Variants in CADM2 observed in about 807,000 individuals in gnomAD.
CADM2 encodes cell adhesion molecule 2.
A neutral mutation model predicts 49.8 loss-of-function variants in CADM2; 12 were observed. The observed-to-expected ratio is 0.24, with a 90% CI of 0.15 to 0.39. The LOEUF (loss-of-function observed/expected upper bound fraction) is 0.39, where lower values mean the gene tolerates loss of function less well. CADM2 is among the 10% of genes least tolerant of loss of function. The pLI is 1.00. For synonymous variants in CADM2, 214 were observed against 175.4 expected, an observed-to-expected ratio of 1.22 and a Z score of -1.74; for missense variants, 378 against 492.3, an observed-to-expected ratio of 0.77 and a Z score of 2.20.
At chr3:85,458,912 G>A (rs2038114369) in intron 1 of CADM2, among the ~76,000 whole-genome samples, 1 of 152,152 alleles carries the variant, frequency 6.6e-6, no homozygotes, top group Non-Finnish European at 1.5e-5. Context: ...TTGCATGCTT[G>A]TACATTGCTT....
At chr3:85,194,677 A>T (rs751404944) in intron 1 of CADM2, among the ~76,000 whole-genome samples, 1 of 152,054 alleles carries the variant, frequency 6.6e-6, no homozygotes, top group Admixed American at 6.6e-5. Context: ...AAAGAAATCT[A>T]TTATTGTTAT....
intron 1 of CADM2, among the ~76,000 whole-genome samples, chr3:85,010,925 G>C (rs1258798783): frequency 7.8e-6 from 1 of 127,854 alleles, no homozygotes; most frequent in Non-Finnish European, 1.6e-5. Flanking sequence ...GTGCAGTGGC[G>C]TGATCTCAGC....
At chr3:85,626,823 G>A (rs1285083958) in intron 1 of CADM2, among the ~76,000 whole-genome samples, 2 of 151,860 alleles carry the variant, frequency 1.3e-5, no homozygotes, top group East Asian at 1.9e-4. Flanking sequence ...AAGAGAAGTC[G>A]AAATGTCCTG....
chr3:85,874,923 A>G (rs1711593934), intron 3 of CADM2, among the ~76,000 whole-genome samples: 1 of 152,202 alleles, frequency 6.6e-6, no homozygotes, highest in African/African-American at 2.4e-5. Flanking sequence ...AAACTACAAT[A>G]CTAAACATAG....
chr3:85,142,597 A>G (rs571651527), intron 1 of CADM2, among the ~76,000 whole-genome samples: 1 of 152,348 alleles, frequency 6.6e-6, no homozygotes, highest in East Asian at 1.9e-4. Context: ...TTATAGACTT[A>G]CAGCATTATG....
At chr3:85,895,593 G>A (rs981142301) in intron 5 of CADM2, among the ~76,000 whole-genome samples, 3 of 152,082 alleles carry the variant, frequency 2.0e-5, no homozygotes, top group Admixed American at 6.5e-5. Flanking sequence ...TGAGATGTGG[G>A]GGCAATCTGT....
chr3:85,805,501 C>A (rs1005315303), intron 3 of CADM2: 2 of 150,962 alleles, frequency 1.3e-5, no homozygotes, highest in African/African-American at 4.9e-5. Flanking sequence ...CTTTTTTTTT[C>A]TTTTCTCGTC....
chr3:85,184,740 A>G (rs1559708543), intron 1 of CADM2, among the ~76,000 whole-genome samples: 1 of 152,106 alleles, frequency 6.6e-6, no homozygotes, highest in Non-Finnish European at 1.5e-5. Flanking sequence ...GCTGTAGAAA[A>G]TGAAGCTTAT....
chr3:85,553,088 T>G (rs2061854778), intron 1 of CADM2, among the ~76,000 whole-genome samples: 2 of 152,178 alleles, frequency 1.3e-5, no homozygotes, highest in Admixed American at 1.3e-4. Flanking sequence ...AAAATAAGAT[T>G]ATTCACCAGA....
At chr3:85,341,876 T>C (rs1405398297) in intron 1 of CADM2, among the ~76,000 whole-genome samples, 1 of 152,086 alleles carries the variant, frequency 6.6e-6, no homozygotes, top group African/African-American at 2.4e-5. Flanking sequence ...CCACACACTT[T>C]GTTTCTAAGG....
chr3:85,517,055 C>T (rs1364619295), intron 1 of CADM2, among the ~76,000 whole-genome samples: 1 of 151,766 alleles, frequency 6.6e-6, no homozygotes, highest in African/African-American at 2.4e-5. Context: ...ATAAAGACAA[C>T]TACACCACTC....
At chr3:85,235,087 T>C (rs189269588) in intron 1 of CADM2, among the ~76,000 whole-genome samples, 127 of 152,202 alleles carry the variant, frequency 8.3e-4, no homozygotes, top group Admixed American at 1.8e-3. Flanking sequence ...TCTTCCTCTG[T>C]CATCCTCCTT....
At chr3:85,969,040 A>G (rs1725800699) in intron 8 of CADM2, among the ~76,000 whole-genome samples, 1 of 151,494 alleles carries the variant, frequency 6.6e-6, no homozygotes, top group South Asian at 2.1e-4. Flanking sequence ...TCACATTCCC[A>G]AAGTGGGCAC....
At chr3:85,087,319 T>C (rs1317974169) in intron 1 of CADM2, among the ~76,000 whole-genome samples, 1 of 152,184 alleles carries the variant, frequency 6.6e-6, no homozygotes, top group Non-Finnish European at 1.5e-5. Flanking sequence ...TAATTTTAGA[T>C]TCTTTATCTT....
chr3:86,051,122 G>A (rs1354066925), intron 8 of CADM2, among the ~76,000 whole-genome samples: 2 of 152,026 alleles, frequency 1.3e-5, no homozygotes, highest in South Asian at 2.1e-4. Context: ...ATATGAGATA[G>A]GATGTTAGAA....
intron 1 of CADM2, among the ~76,000 whole-genome samples, chr3:85,033,966 C>T (rs1176411668): frequency 3.3e-5 from 5 of 151,952 alleles, no homozygotes; most frequent in East Asian, 1.9e-4. Context: ...ATGGTCATCA[C>T]GTTTTTTAAT....
intron 5 of CADM2, among the ~76,000 whole-genome samples, chr3:85,910,256 G>A (rs75180577): frequency 0.034 from 5,188 of 152,126 alleles, 298 homozygotes; most frequent in African/African-American, 0.12. Context: ...TATAAAAATT[G>A]TTTGTCAAGA....
At chr3:85,537,040 A>G (rs758805599) in intron 1 of CADM2, among the ~76,000 whole-genome samples, 1 of 151,992 alleles carries the variant, frequency 6.6e-6, no homozygotes, top group East Asian at 1.9e-4. Flanking sequence ...CTCATTTCTC[A>G]TGAGAAGTTT....
At chr3:85,753,142 G>A (rs192478481) in intron 2 of CADM2, among the ~76,000 whole-genome samples, 22 of 152,234 alleles carry the variant, frequency 1.4e-4, no homozygotes, top group African/African-American at 5.3e-4. Flanking sequence ...GGGATATTGG[G>A]AGCTGTGCTG....
Sources: gnomAD v4.1 joint callset for allele counts (sites outside exome capture counted in the v4.1 genomes callset) on GRCh38, gnomAD v4.1.1 for gene constraint, MANE v1.5 for transcripts, NCBI Gene and HGNC (gene_info 2026-07-23, HGNC 2026-07-21) for gene names.